Variants in ENPP6 observed in about 807,000 individuals in gnomAD.
The protein encoded by ENPP6 is glycerophosphocholine cholinephosphodiesterase ENPP6.
In ENPP6, 32 loss-of-function variants were observed where a neutral mutation model predicts 42.0. That is an observed-to-expected ratio of 0.76 (90% CI 0.58 to 1.02). The LOEUF (loss-of-function observed/expected upper bound fraction) is 1.02. Ranked by LOEUF, ENPP6 falls within the 50% of genes least tolerant of loss-of-function variation. The probability of loss-of-function intolerance (pLI) is 0.00; values close to 1 mark genes in which losing one functional copy is unlikely to be tolerated. For missense variants in ENPP6, 552 were observed against 566.8 expected, an observed-to-expected ratio of 0.97 and a Z score of 0.27; for synonymous variants, 213 against 216.0, an observed-to-expected ratio of 0.99 and a Z score of 0.12.
chr4:184,128,528 C>T (rs1736541913), intron 2 of ENPP6, among the ~76,000 whole-genome samples: 1 of 151,792 alleles, frequency 6.6e-6, no homozygotes, highest in African/African-American at 2.4e-5. Flanking sequence ...GAAATAAAAT[C>T]CAACTTTATT....
chr4:184,143,101 CCTCCTT>C (rs1407219285), intron 2 of ENPP6, among the ~76,000 whole-genome samples: 1 of 152,252 alleles, frequency 6.6e-6, no homozygotes, highest in Non-Finnish European at 1.5e-5. Flanking sequence ...CTGACCAAAG[CCTCCTT>C]CTCCTTCTCC....
chr4:184,206,820 C>G (rs1226696010), intron 1 of ENPP6, among the ~76,000 whole-genome samples: 1 of 152,186 alleles, frequency 6.6e-6, no homozygotes, highest in Non-Finnish European at 1.5e-5. Context: ...GTTAACATCC[C>G]TGTTGTTGCC....
intron 7 of ENPP6, among the ~76,000 whole-genome samples, chr4:184,092,216 T>C (rs1735816906): frequency 6.6e-6 from 1 of 152,090 alleles, no homozygotes; most frequent in Non-Finnish European, 1.5e-5. Context: ...CTTGATGGAA[T>C]GTGAAACTGC....
In ENPP6 at chr4:184,154,385, T is replaced by G. The variant is rs137862050; in HGVS notation, c.242-652A>C. 3.3e-3 allele frequency among the ~76,000 whole-genome samples: 509 copies of G among 152,344 alleles called. 3 individuals carry two copies. The highest frequency in any genetic ancestry group is 5.5e-3 in the Non-Finnish European group (371 of 68,028). ...AGAGACGCAAACGCTTGGACTCTTT[T>G]GAAACATTAGGCTTAAATTATTTAT... On this transcript the variant is annotated intron_variant, in intron 1 of 7. Coordinates refer to ENST00000296741, the MANE Select transcript of ENPP6 (RefSeq NM_153343.4).
At chr4:184,145,993 A>C (rs770960598) in intron 2 of ENPP6, among the ~76,000 whole-genome samples, 12 of 149,950 alleles carry the variant, frequency 8.0e-5, no homozygotes, top group African/African-American at 2.9e-4. Flanking sequence ...AGGAATATTC[A>C]TGACTCTGTG....
intron 5 of ENPP6, among the ~76,000 whole-genome samples, chr4:184,116,471 A>T (rs1306798795): frequency 6.6e-6 from 1 of 152,150 alleles, no homozygotes; most frequent in African/African-American, 2.4e-5. Context: ...GTGGTGGCTC[A>T]CACCTGTAAT....
At chr4:184,111,572 C>A (rs1451429911) in intron 6 of ENPP6, among the ~76,000 whole-genome samples, 1 of 152,214 alleles carries the variant, frequency 6.6e-6, no homozygotes, top group African/African-American at 2.4e-5. Context: ...GGACCCTCAC[C>A]TTGTAAACCA....
intron 1 of ENPP6, among the ~76,000 whole-genome samples, chr4:184,199,913 C>G (rs578146370): frequency 6.6e-6 from 1 of 152,314 alleles, no homozygotes; most frequent in Non-Finnish European, 1.5e-5. Context: ...AGAACACTCC[C>G]AGCACACATC....
At chr4:184,191,913 C>T (rs529697190) in intron 1 of ENPP6, among the ~76,000 whole-genome samples, 4 of 152,182 alleles carry the variant, frequency 2.6e-5, no homozygotes, top group Admixed American at 6.5e-5. Flanking sequence ...AAACATTTAG[C>T]AATATTTAGC....
At chr4:184,159,123 G>A (rs1921568) in intron 1 of ENPP6, among the ~76,000 whole-genome samples, 1 of 151,922 alleles carries the variant, frequency 6.6e-6, no homozygotes, top group African/African-American at 2.4e-5. Flanking sequence ...CATTATCTCC[G>A]ATTGTATCAT....
At chr4:184,168,487 G>A (rs1737397314) in intron 1 of ENPP6, among the ~76,000 whole-genome samples, 1 of 150,554 alleles carries the variant, frequency 6.6e-6, no homozygotes, top group East Asian at 2.0e-4. Flanking sequence ...CCTTGCACAG[G>A]AAGCTGGAAG....
intron 1 of ENPP6, among the ~76,000 whole-genome samples, chr4:184,155,793 T>C (rs1168206980): frequency 6.6e-6 from 1 of 152,236 alleles, no homozygotes; most frequent in Non-Finnish European, 1.5e-5. Flanking sequence ...AAAGTACATA[T>C]AATCTATACT....
At chr4:184,188,553 C>T (rs988139252) in intron 1 of ENPP6, among the ~76,000 whole-genome samples, 4 of 152,062 alleles carry the variant, frequency 2.6e-5, no homozygotes, top group Non-Finnish European at 5.9e-5. Flanking sequence ...CATATGGCTG[C>T]TAGGAATCAG....
At chr4:184,214,813 A>G (rs1733172479) in intron 1 of ENPP6, among the ~76,000 whole-genome samples, 1 of 152,176 alleles carries the variant, frequency 6.6e-6, no homozygotes, top group African/African-American at 2.4e-5. Context: ...GGGGGACATC[A>G]CACACTGGGC....
intron 1 of ENPP6, among the ~76,000 whole-genome samples, chr4:184,182,443 A>T (rs938031602): frequency 1.3e-5 from 2 of 152,220 alleles, no homozygotes; most frequent in African/African-American, 4.8e-5. Flanking sequence ...ATCATGGAAG[A>T]TAGTGTGGCG....
chr4:184,196,159 C>T (rs1044071980), intron 1 of ENPP6, among the ~76,000 whole-genome samples: 1 of 152,246 alleles, frequency 6.6e-6, no homozygotes, highest in Non-Finnish European at 1.5e-5. Context: ...TGTTCACCCA[C>T]GAGGCCCTTC....
At position 184,131,155 on chromosome 4, in the gene ENPP6, T is replaced by TTC. The variant is rs1040889131; in HGVS notation, c.422-6885_422-6884dup. 9.8e-5 allele frequency among the ~76,000 whole-genome samples: 5 copies of TTC among 50,874 alleles called. 1 individual carries two copies. Among genetic ancestry groups the TTC allele is most frequent in the African/African-American group, 4.5e-4 (5 of 11,066 alleles). 33.4% of individuals were successfully genotyped at this position (50,874 alleles called of 152,430 possible). A position where few individuals can be genotyped will look rare whatever the true frequency, so the allele number is the denominator to read the frequency against. Reference sequence around the variant, plus strand: ...ACCAGCACTTACTTTCTTTCTTTCTTTCTTTCTTTCTTTCTTTCTTTCTTT... The same window carrying TTC: ...ACCAGCACTTACTTTCTTTCTTTCTTTCTCTTTCTTTCTTTCTTTCTTTCTTT... On this transcript the variant is annotated intron_variant, in intron 2 of 7. Transcript: ENST00000296741.
chr4:184,107,745 C>A (rs536500185), intron 6 of ENPP6, among the ~76,000 whole-genome samples: 1 of 152,248 alleles, frequency 6.6e-6, no homozygotes, highest in South Asian at 2.1e-4. Context: ...GAAACCTCGT[C>A]TCTACTAAAA....
chr4:184,115,845 C>G (rs1279300231), intron 5 of ENPP6, among the ~76,000 whole-genome samples: 1 of 152,198 alleles, frequency 6.6e-6, no homozygotes, highest in African/African-American at 2.4e-5. Flanking sequence ...AAGCCTCTTT[C>G]CTGAGAAAGG....
Sources: allele counts gnomAD v4.1 joint callset (sites outside exome capture counted in the v4.1 genomes callset), GRCh38; gene constraint gnomAD v4.1.1; transcripts MANE v1.5; gene names NCBI Gene and HGNC (gene_info 2026-07-23, HGNC 2026-07-21).